CACHD1: variants seen among roughly 807,000 people sequenced by gnomAD.
The protein encoded by CACHD1 is VWFA and cache domain-containing protein 1.
In CACHD1, 71 loss-of-function variants were observed where a neutral mutation model predicts 138.7. The ratio of observed to expected loss-of-function variants is 0.51; its 90% CI spans 0.42 to 0.62. CACHD1 has a LOEUF of 0.62. Among genes scored for constraint, CACHD1 ranks in the 20% least tolerant of loss-of-function variants. CACHD1 has a pLI of 0.00. For missense variants in CACHD1, 1,389 were observed against 1,625.3 expected (o/e 0.85, Z 2.50); for synonymous variants, 578 against 591.5 (o/e 0.98, Z 0.33).
chr1:64,537,289 C>T (rs746147988), intron 1 of CACHD1, among the ~76,000 whole-genome samples: 5 of 151,886 alleles, frequency 3.3e-5, no homozygotes, highest in Non-Finnish European at 5.9e-5. Flanking sequence ...GTTTGTTGAG[C>T]GGTGCTAGAT....
chr1:64,568,591 C>A (rs1374596885), intron 2 of CACHD1, among the ~76,000 whole-genome samples: 1 of 152,174 alleles, frequency 6.6e-6, no homozygotes, highest in East Asian at 1.9e-4. Flanking sequence ...GGAAAACATA[C>A]ATGTAACCTC....
At chr1:64,508,682 C>G (rs762396549) in intron 1 of CACHD1, among the ~76,000 whole-genome samples, 1 of 152,192 alleles carries the variant, frequency 6.6e-6, no homozygotes, top group Admixed American at 6.5e-5. Flanking sequence ...AAGTTGTTCT[C>G]TCACTAAGCC....
chr1:64,526,876 TGCGATTCTTTC>T (rs1012605951), intron 1 of CACHD1, among the ~76,000 whole-genome samples: 4 of 152,220 alleles, frequency 2.6e-5, no homozygotes, highest in African/African-American at 9.6e-5. Context: ...AATTTATTAC[TGCGATTCTTTC>T]GCAAAACCAT....
intron 4 of CACHD1, among the ~76,000 whole-genome samples, chr1:64,623,358 T>A (rs1647983196): frequency 6.6e-6 from 1 of 151,588 alleles, no homozygotes; most frequent in Non-Finnish European, 1.5e-5. Context: ...GCCAAGATCA[T>A]GCCACTGCAC....
chr1:64,652,852 G>A (rs1649139539), intron 10 of CACHD1, among the ~76,000 whole-genome samples: 1 of 152,180 alleles, frequency 6.6e-6, no homozygotes, highest in African/African-American at 2.4e-5. Flanking sequence ...TCAAAGAGAT[G>A]AAAACAGAAC....
In CACHD1 at chr1:64,653,771, G is replaced by C; in HGVS notation, c.1554G>C (p.Met518Ile). Residue 518 changes from methionine to isoleucine, a missense_variant, in exon 11 of 27, where the codon ATG (methionine) becomes ATC (isoleucine). This residue lies in a region of CACHD1 where 1,000 missense variants were observed against 1,114.7 expected (regional missense o/e 0.90). Coordinates refer to ENST00000651257, the MANE Select transcript of CACHD1 (RefSeq NM_020925.4). ...TTCTTATTGCAGGATATACACTTAT[G>C]CACCCATCTCTTACCAGGCCATATT... is the stretch of plus-strand genomic sequence containing the variant. ...FLIDDKGYTLMHPSLTRPYLL... is the reference protein window; with the variant it reads ...FLIDDKGYTLIHPSLTRPYLL... 1.2e-6 allele frequency: 2 copies of C among 1,613,160 alleles called. No homozygotes were observed. Among genetic ancestry groups the C allele is most frequent in the Non-Finnish European group, 1.7e-6 (2 of 1,179,392 alleles).
rs941910790 is a variant in CACHD1 at position 64,470,202 on chromosome 1, T to G, written c.-543T>G. ...CTCCCTTTCCCCACCGCTTGCTTTC[T>G]TTCTTTCAGTTGTGTGGGTTTGTGA... On this transcript the variant is annotated 5_prime_UTR_variant, in exon 1 of 27. Coordinates refer to ENST00000651257, the MANE Select transcript of CACHD1 (RefSeq NM_020925.4). This position sits in a 1 kb window ranked among gnomAD's most constrained non-coding sequence, Gnocchi z 5.2. Among the ~76,000 whole-genome samples the G allele has an allele frequency of 6.6e-6, 1 of 152,026 alleles. No individual in the cohort carries two copies. Among genetic ancestry groups the G allele is most frequent in the Non-Finnish European group, 1.5e-5 (1 of 67,990 alleles).
intron 1 of CACHD1, among the ~76,000 whole-genome samples, chr1:64,510,975 G>A (rs1557468664): frequency 6.6e-6 from 1 of 152,180 alleles, no homozygotes; most frequent in Admixed American, 6.5e-5. Flanking sequence ...AAGGCCACTG[G>A]ATTTGGTAAT....
In CACHD1 at chr1:64,649,366, T is replaced by A. The variant is rs1424713995; in HGVS notation, c.1390+1332T>A. 2.6e-5 allele frequency among the ~76,000 whole-genome samples: 4 copies of A among 152,188 alleles called. No individual in the cohort carries two copies. The East Asian group carries it at 5.8e-4, about 22-fold the overall frequency. ...CCATCCCCAGCCTTGCTTTTTTTAA[T>A]CACTCCTATTACTGTCAGGGACTAC... On this transcript the variant is annotated intron_variant, in intron 9 of 26. Transcript: ENST00000651257.
chr1:64,483,876 T>G, intron 1 of CACHD1, among the ~76,000 whole-genome samples: 1 of 106,040 alleles, frequency 9.4e-6, no homozygotes, highest in South Asian at 3.9e-4. Flanking sequence ...CCCCCCCCCC[T>G]TGCATATAAC....
At chr1:64,658,667 C>T in intron 12 of CACHD1, 38 bp from the exon 13 acceptor site, 1 of 1,541,412 alleles carries the variant, frequency 6.5e-7, no homozygotes, top group Non-Finnish European at 8.8e-7. Flanking sequence ...ATGGAACCCT[C>T]ATTTTCTAGG....
intron 1 of CACHD1, among the ~76,000 whole-genome samples, chr1:64,483,244 C>T (rs1166150754): frequency 6.6e-6 from 1 of 152,162 alleles, no homozygotes; most frequent in East Asian, 1.9e-4. Context: ...AGTTGGGCTA[C>T]ATTTAGGAAT....
At chr1:64,503,307 A>T (rs1646350310) in intron 1 of CACHD1, among the ~76,000 whole-genome samples, 1 of 152,242 alleles carries the variant, frequency 6.6e-6, no homozygotes, top group African/African-American at 2.4e-5. Context: ...AAATTGAATA[A>T]TGCCTTTAGT....
intron 1 of CACHD1, among the ~76,000 whole-genome samples, chr1:64,489,371 T>G (rs1004375715): frequency 1.3e-5 from 2 of 152,082 alleles, no homozygotes; most frequent in Non-Finnish European, 2.9e-5. Context: ...AAAGCCATTT[T>G]TAAGTAGTGC....
At chr1:64,690,389 G>A (rs762271756) in intron 26 of CACHD1, among the ~76,000 whole-genome samples, 2 of 152,170 alleles carry the variant, frequency 1.3e-5, no homozygotes, top group Non-Finnish European at 2.9e-5. Flanking sequence ...GACGCTAACT[G>A]TAGATGCAAT....
intron 1 of CACHD1, among the ~76,000 whole-genome samples, chr1:64,486,368 A>G (rs1036472064): frequency 1.0e-5 from 1 of 97,684 alleles, no homozygotes; most frequent in African/African-American, 4.0e-5. Flanking sequence ...ACACACACAC[A>G]TACACACACA....
chr1:64,556,645 T>G (rs1646799299), intron 2 of CACHD1, among the ~76,000 whole-genome samples: 1 of 148,928 alleles, frequency 6.7e-6, no homozygotes, highest in Non-Finnish European at 1.5e-5. Flanking sequence ...ATTTTGTGAT[T>G]TTTTACTCTT....
chr1:64,494,652 T>C (rs1646296223), intron 1 of CACHD1, among the ~76,000 whole-genome samples: 1 of 152,206 alleles, frequency 6.6e-6, no homozygotes, highest in African/African-American at 2.4e-5. Flanking sequence ...GAATTCTTTA[T>C]TGCTTAAATT....
intron 1 of CACHD1, among the ~76,000 whole-genome samples, chr1:64,510,509 A>C (rs1460398824): frequency 6.6e-6 from 1 of 152,222 alleles, no homozygotes; most frequent in Non-Finnish European, 1.5e-5. Flanking sequence ...CGGAACAGCC[A>C]GGTATTCACA....
Sources: allele counts gnomAD v4.1 joint callset (sites outside exome capture counted in the v4.1 genomes callset), GRCh38; gene constraint gnomAD v4.1.1; regional missense constraint gnomAD v4.1.1; non-coding constraint Gnocchi (gnomAD v3.1); transcripts MANE v1.5; gene names NCBI Gene and HGNC (gene_info 2026-07-23, HGNC 2026-07-21).